The following MEI1 variants were observed in gnomAD, a reference collection of about 807,000 sequenced individuals.
MEI1 encodes the protein meiosis inhibitor protein 1.
In MEI1, 103 loss-of-function variants were observed where a neutral mutation model predicts 146.2. The ratio of observed to expected loss-of-function variants is 0.70; its 90% confidence interval spans 0.60 to 0.83. The LOEUF (loss-of-function observed/expected upper bound fraction) is 0.83, where lower values mean the gene tolerates loss of function less well. Among genes scored for constraint, MEI1 ranks in the 40% least tolerant of loss-of-function variants. The probability of loss-of-function intolerance (pLI) is 0.00; values close to 1 mark genes in which losing one functional copy is unlikely to be tolerated. For synonymous variants in MEI1, 652 were observed against 628.2 expected, an observed-to-expected ratio of 1.04 and a Z score of -0.57; for missense variants, 1,529 against 1,533.0, an observed-to-expected ratio of 1.00 and a Z score of 0.04.
At chr22:41,739,871 C>T (rs775646297) in intron 11 of MEI1, among the ~76,000 whole-genome samples, 10 of 151,984 alleles carry the variant, frequency 6.6e-5, no homozygotes, top group African/African-American at 1.2e-4. Context: ...CATTTGGGTT[C>T]GAGAGTATAG....
At chr22:41,755,148 T>C (rs2074009796) in intron 17 of MEI1, among the ~76,000 whole-genome samples, 1 of 152,164 alleles carries the variant, frequency 6.6e-6, no homozygotes, top group South Asian at 2.1e-4. Flanking sequence ...ATTATAACAG[T>C]ATGTTATTTG....
chr22:41,762,139 G>A (rs2074532439), intron 18 of MEI1, among the ~76,000 whole-genome samples: 1 of 152,012 alleles, frequency 6.6e-6, no homozygotes, highest in South Asian at 2.1e-4. Flanking sequence ...TTCTTTTTGG[G>A]TATATTCTCA....
chr22:41,721,718 C>CTT, intron 6 of MEI1, among the ~76,000 whole-genome samples: 1 of 95,866 alleles, frequency 1.0e-5, no homozygotes, highest in African/African-American at 5.8e-5. Flanking sequence ...AAATGCTACC[C>CTT]CTTTTTTTTT....
At chr22:41,785,221 C>T (rs982543269) in intron 26 of MEI1, among the ~76,000 whole-genome samples, 9 of 151,212 alleles carry the variant, frequency 6.0e-5, no homozygotes, top group African/African-American at 1.9e-4. Context: ...AGACGTGAGC[C>T]ACCGCGCCTG....
At chr22:41,710,593 G>A (rs1233797211) in intron 3 of MEI1, among the ~76,000 whole-genome samples, 2 of 152,154 alleles carry the variant, frequency 1.3e-5, no homozygotes, top group Non-Finnish European at 2.9e-5. Context: ...ATTCTTTTAG[G>A]TCAGGTGGTT....
chr22:41,720,925 C>T (rs897738385), intron 6 of MEI1, among the ~76,000 whole-genome samples: 7 of 152,012 alleles, frequency 4.6e-5, no homozygotes, highest in African/African-American at 1.7e-4. Context: ...GTGCTTGCCA[C>T]CACGCCCGGC....
At chr22:41,732,748 A>T in intron 11 of MEI1, 145 bp downstream of exon 11, 1 of 874,492 alleles carries the variant, frequency 1.1e-6, no homozygotes, top group Non-Finnish European at 1.6e-6. Context: ...TTCCACATCC[A>T]TGGATTCAAC....
At chr22:41,728,908 A>C (rs1472839795) in intron 7 of MEI1, among the ~76,000 whole-genome samples, 1 of 151,294 alleles carries the variant, frequency 6.6e-6, no homozygotes, top group East Asian at 1.9e-4. Context: ...GCTCATGCCT[A>C]TATTCCCAGC....
At position 41,761,463 on chromosome 22, in the gene MEI1, C is replaced by T. The variant is rs1051465799; in HGVS notation, c.2121-1711C>T. 2.6e-5 allele frequency among the ~76,000 whole-genome samples: 4 copies of T among 151,878 alleles called. 1 individual carries two copies. The highest frequency in any genetic ancestry group is 6.8e-3 in the Middle Eastern group (2 of 294). ...CTGAGTAGCTGGAAATTCAGGTGCCCGCTACCACGCCCGGCTAATTTTTTG... is the reference window on the plus strand; with the variant it reads ...CTGAGTAGCTGGAAATTCAGGTGCCTGCTACCACGCCCGGCTAATTTTTTG... On this transcript the variant is annotated intron_variant, in intron 18 of 30. Transcript: ENST00000401548.
intron 8 of MEI1, among the ~76,000 whole-genome samples, 168 bp from the exon 9 acceptor site, chr22:41,730,353 A>G (rs548057552): frequency 6.6e-6 from 1 of 152,324 alleles, no homozygotes; most frequent in Admixed American, 6.5e-5. Flanking sequence ...AACCAAGGGC[A>G]CTTTCCAGGT....
At chr22:41,741,258 C>T (rs1228754302) in intron 11 of MEI1, among the ~76,000 whole-genome samples, 2 of 152,196 alleles carry the variant, frequency 1.3e-5, no homozygotes, top group African/African-American at 4.8e-5. Flanking sequence ...GATTTCTAGC[C>T]TCCAGAACTG....
Position 41,709,197 on chromosome 22 carries a change from A to G in MEI1, c.349+3643A>G. 7.2e-6 allele frequency: 6 copies of G among 835,570 alleles called. No homozygotes were observed. The South Asian group carries it at 7.9e-5, about 11-fold the overall frequency. The allele number at this position is 835,570 out of a possible 1,614,324, so 51.8% of individuals were successfully genotyped here. A position where few individuals can be genotyped will look rare whatever the true frequency, so the allele number is the denominator to read the frequency against. ...AACTGTACAGTCACCAGAAGTACAC[A>G]GTTACCAAAAATGTACACACTTCAC... On this transcript the variant is annotated intron_variant, in intron 3 of 30. Coordinates refer to ENST00000401548, the MANE Select transcript of MEI1 (RefSeq NM_152513.4).
rs758180354 is a variant in MEI1 at position 41,754,040 on chromosome 22, A to C, written c.1945A>C (p.Lys649Gln). The change falls in exon 17 of 31, where the codon AAA (lysine) becomes CAA (glutamine). Residue 649 changes from lysine to glutamine, a missense_variant. This residue lies in a region of MEI1 where 1,212 missense variants were observed against 1,178.9 expected (regional missense o/e 1.03). Transcript: ENST00000401548. Reference protein sequence around the residue: ...SAPEKTGPPSKEELSAVSELL... With the variant: ...SAPEKTGPPSQEELSAVSELL... ...TCCAGAGAAGACAGGACCACCTTCC[A>C]AAGAAGGTAAGATGCTACAATTTGA... 2 of 1,607,956 alleles carry C rather than the reference A, an allele frequency of 1.2e-6. No homozygotes were observed. The highest frequency in any genetic ancestry group is 1.7e-6 in the Non-Finnish European group (2 of 1,174,502).
At chr22:41,703,227 G>T (rs556201109) in intron 1 of MEI1, 104 bp from the exon 2 acceptor site, 24 of 1,285,238 alleles carry the variant, frequency 1.9e-5, no homozygotes, top group Middle Eastern at 1.9e-4. Context: ...TAGTTTAAAT[G>T]ATCCCTTGTA....
intron 16 of MEI1, chr22:41,753,701 A>T: frequency 2.7e-6 from 1 of 366,114 alleles, no homozygotes; most frequent in Non-Finnish European, 5.2e-6. Flanking sequence ...CTGGTCTAGA[A>T]CTCCTGACCT....
At chr22:41,758,637 G>A in intron 18 of MEI1, 104 bp downstream of exon 18, 1 of 1,171,844 alleles carries the variant, frequency 8.5e-7, no homozygotes, top group Non-Finnish European at 1.2e-6. Context: ...CTGGGCACTG[G>A]GGACACGGGG....
chr22:41,700,944 T>C (rs1476868560), intron 1 of MEI1, among the ~76,000 whole-genome samples: 1 of 149,348 alleles, frequency 6.7e-6, no homozygotes, highest in African/African-American at 2.5e-5. Context: ...TCTTTCTTTT[T>C]TTTTTTTTTT....
intron 17 of MEI1, 52 bp downstream of exon 17, chr22:41,754,098 C>A (rs2073945969): frequency 2.2e-6 from 3 of 1,354,350 alleles, no homozygotes. Flanking sequence ...TCTTTAGAGT[C>A]TGGGTGCCTT....
In MEI1 at chr22:41,730,458, T is replaced by C. The variant is rs143882633; in HGVS notation, c.980-63T>C. 94 of 1,083,084 alleles carry C rather than the reference T, an allele frequency of 8.7e-5. No homozygotes were observed. The African/African-American group carries it at 1.1e-3, about 13-fold the overall frequency. The allele number at this position is 1,083,084 out of a possible 1,614,324, so 67.1% of individuals were successfully genotyped here. On this transcript the variant is annotated intron_variant, in intron 8 of 30. Transcript: ENST00000401548. The stretch of plus-strand genomic sequence containing the variant: ...GCTGAATAAATCCAAGGCCTTAGCA[T>C]CAGTTAAGGGATCGTGATCACATGG...
Sources: allele counts gnomAD v4.1 joint callset (sites outside exome capture counted in the v4.1 genomes callset), GRCh38; gene constraint gnomAD v4.1.1; regional missense constraint gnomAD v4.1.1; transcripts MANE v1.5; gene names NCBI Gene and HGNC (gene_info 2026-07-23, HGNC 2026-07-21).